SNTG1: variants seen among roughly 807,000 people sequenced by gnomAD.
SNTG1 encodes the protein syntrophin gamma 1, also known as gamma-1-syntrophin.
Under a neutral mutation model 74.7 loss-of-function variants are expected in SNTG1, and 39 were observed. The ratio of observed to expected loss-of-function variants is 0.52; its 90% CI spans 0.40 to 0.68. The LOEUF is 0.68. Ranked by LOEUF, SNTG1 falls within the 30% of genes least tolerant of loss-of-function variation. SNTG1 has a pLI of 0.00. For missense variants in SNTG1, 685 were observed against 609.5 expected, an observed-to-expected ratio of 1.12 and a Z score of -1.30; for synonymous variants, 254 against 217.1, an observed-to-expected ratio of 1.17 and a Z score of -1.49.
At chr8:50,688,565 G>C (rs1438190594) in intron 15 of SNTG1, among the ~76,000 whole-genome samples, 2 of 152,130 alleles carry the variant, frequency 1.3e-5, no homozygotes, top group African/African-American at 4.8e-5. Flanking sequence ...TCAGATAATT[G>C]TAGATATGCG....
chr8:50,134,437 G>A (rs1187051002), intron 1 of SNTG1, among the ~76,000 whole-genome samples: 2 of 152,148 alleles, frequency 1.3e-5, no homozygotes, highest in Non-Finnish European at 2.9e-5. Flanking sequence ...GCTGAACCAA[G>A]TTGTCACAGA....
At chr8:50,130,676 C>T (rs1447915299) in intron 1 of SNTG1, among the ~76,000 whole-genome samples, 1 of 152,032 alleles carries the variant, frequency 6.6e-6, no homozygotes, top group Non-Finnish European at 1.5e-5. Context: ...TCAATAAATG[C>T]ATTTCTGAAA....
At chr8:50,345,358 G>T (rs1306787652) in intron 2 of SNTG1, among the ~76,000 whole-genome samples, 1 of 152,076 alleles carries the variant, frequency 6.6e-6, no homozygotes, top group Admixed American at 6.5e-5. Context: ...CTCTGTTTTA[G>T]TGCCTGCGAG....
chr8:50,362,874 T>C (rs1356788985), intron 2 of SNTG1, among the ~76,000 whole-genome samples: 3 of 152,258 alleles, frequency 2.0e-5, no homozygotes, highest in East Asian at 3.9e-4. Context: ...AAAACATGAA[T>C]GGGCCATATA....
intron 18 of SNTG1, among the ~76,000 whole-genome samples, chr8:50,792,400 A>G (rs1229800545): frequency 1.3e-5 from 2 of 151,904 alleles, no homozygotes; most frequent in East Asian, 3.9e-4. Flanking sequence ...TTTTGGCAAA[A>G]TATATTTATC....
intron 1 of SNTG1, among the ~76,000 whole-genome samples, chr8:50,129,247 C>T (rs578155071): frequency 1.8e-4 from 27 of 152,106 alleles, no homozygotes; most frequent in African/African-American, 5.5e-4. Context: ...TTAGCACACA[C>T]GCTGCCCGAT....
intron 18 of SNTG1, among the ~76,000 whole-genome samples, chr8:50,782,925 A>G (rs2095664086): frequency 6.6e-6 from 1 of 152,218 alleles, no homozygotes. Context: ...TCTAACAGAC[A>G]GGATCCTCTG....
At chr8:50,489,969 G>A (rs1367095203) in intron 8 of SNTG1, among the ~76,000 whole-genome samples, 2 of 152,168 alleles carry the variant, frequency 1.3e-5, no homozygotes, top group South Asian at 2.1e-4. Flanking sequence ...AAGGGGTCCA[G>A]TTTCAGTGTC....
At chr8:50,223,489 GA>G (rs1325229336) in intron 2 of SNTG1, among the ~76,000 whole-genome samples, 41 of 152,032 alleles carry the variant, frequency 2.7e-4, no homozygotes, top group Admixed American at 2.0e-4. Flanking sequence ...ACTAGTATTG[GA>G]AATAACTATT....
At chr8:50,308,308 T>C (rs1240302096) in intron 2 of SNTG1, among the ~76,000 whole-genome samples, 4 of 152,038 alleles carry the variant, frequency 2.6e-5, no homozygotes, top group Middle Eastern at 3.2e-3. Flanking sequence ...AGTTTTTCTT[T>C]ATTTAGTTCT....
At position 50,793,732 on chromosome 8, in the gene SNTG1, A is replaced by G. The variant is rs904639068; in HGVS notation, c.*903A>G. On this transcript the variant is annotated 3_prime_UTR_variant, in exon 19 of 19. Coordinates refer to ENST00000642720, the MANE Select transcript of SNTG1 (RefSeq NM_018967.5). Reference sequence around the variant, plus strand: ...ATAAACAAATATGGTGTGAGAAACAATTCTTTGTAATCCGAAGTCTACTAG... The same window carrying G: ...ATAAACAAATATGGTGTGAGAAACAGTTCTTTGTAATCCGAAGTCTACTAG... 4.6e-5 allele frequency: 7 copies of G among 152,016 alleles called. No individual in the cohort carries two copies. Among genetic ancestry groups the G allele is most frequent in the African/African-American group, 1.7e-4 (7 of 41,516 alleles). 9.4% of individuals were successfully genotyped at this position (152,016 alleles called of 1,614,324 possible). A position where few individuals can be genotyped will look rare whatever the true frequency, so the allele number is the denominator to read the frequency against.
In SNTG1 at chr8:50,696,824, C is replaced by A. The variant is rs896311962; in HGVS notation, c.1039-7776C>A. Reference sequence around the variant, plus strand: ...CTATTTGTCTGTTTTTATGCCAGTACCATGCTATTTTGCTTACTATAGACA... The same window carrying A: ...CTATTTGTCTGTTTTTATGCCAGTAACATGCTATTTTGCTTACTATAGACA... On this transcript the variant is annotated intron_variant, in intron 15 of 18. Transcript: ENST00000642720. Among the ~76,000 whole-genome samples, 3 of 152,004 alleles carry A rather than the reference C, an allele frequency of 2.0e-5. No individual in the cohort carries two copies. In the East Asian group the frequency reaches 5.8e-4, roughly 29 times the overall value.
intron 1 of SNTG1, among the ~76,000 whole-genome samples, chr8:50,095,421 T>A (rs1427676355): frequency 6.6e-6 from 1 of 152,198 alleles, no homozygotes; most frequent in Non-Finnish European, 1.5e-5. Context: ...GTCTCAGCGT[T>A]GCTCAAAATG....
chr8:49,940,199 G>T (rs181269451), intron 1 of SNTG1, among the ~76,000 whole-genome samples: 47 of 152,238 alleles, frequency 3.1e-4, no homozygotes, highest in African/African-American at 9.6e-4. Context: ...CTGGGAAACT[G>T]CACCAAAAGG....
intron 18 of SNTG1, among the ~76,000 whole-genome samples, chr8:50,788,311 A>G: frequency 6.6e-6 from 1 of 152,186 alleles, no homozygotes; most frequent in East Asian, 1.9e-4. Flanking sequence ...GATTTACAGA[A>G]TGTAATTTTC....
At chr8:49,955,569 A>G (rs1810079873) in intron 1 of SNTG1, among the ~76,000 whole-genome samples, 1 of 152,222 alleles carries the variant, frequency 6.6e-6, no homozygotes, top group Non-Finnish European at 1.5e-5. Flanking sequence ...ATGAATTAAC[A>G]TGATTGGCTC....
intron 2 of SNTG1, among the ~76,000 whole-genome samples, chr8:50,320,833 C>T (rs1486222670): frequency 6.6e-6 from 1 of 152,024 alleles, no homozygotes; most frequent in Non-Finnish European, 1.5e-5. Context: ...CAAAATTCTA[C>T]TTGTTACTTA....
rs140522874 is a variant in SNTG1 at position 50,663,222 on chromosome 8, T to C, written c.1038+4559T>C. On this transcript the variant is annotated intron_variant, in intron 15 of 18. Transcript: ENST00000642720. ...AACAAGTTTGTTACAGCTGTAGTCATCTTGGGTATGAGGTTGGTGTTGGTG... is the reference window on the plus strand; with the variant it reads ...AACAAGTTTGTTACAGCTGTAGTCACCTTGGGTATGAGGTTGGTGTTGGTG... Among the ~76,000 whole-genome samples, 451 of 152,170 alleles carry C rather than the reference T, an allele frequency of 3.0e-3. 3 individuals carry two copies. Among genetic ancestry groups the C allele is most frequent in the African/African-American group, 0.011 (437 of 41,518 alleles).
chr8:50,019,188 G>A (rs1162392243), intron 1 of SNTG1, among the ~76,000 whole-genome samples: 1 of 151,970 alleles, frequency 6.6e-6, no homozygotes, highest in African/African-American at 2.4e-5. Flanking sequence ...TACTAAGATG[G>A]AAGTGAATAT....
Sources: gnomAD v4.1 joint callset for allele counts (sites outside exome capture counted in the v4.1 genomes callset) on GRCh38, gnomAD v4.1.1 for gene constraint, MANE v1.5 for transcripts, NCBI Gene and HGNC (gene_info 2026-07-23, HGNC 2026-07-21) for gene names.